The following LRP6 variants were observed in gnomAD, a reference collection of about 807,000 sequenced individuals.
LRP6 encodes low-density lipoprotein receptor-related protein 6.
In LRP6, 43 loss-of-function variants were observed where a neutral mutation model predicts 184.1. That is an observed-to-expected ratio of 0.23 (90% CI 0.18 to 0.30). The LOEUF is 0.30. Among genes scored for constraint, LRP6 ranks in the 10% least tolerant of loss-of-function variants. The pLI is 1.00. For missense variants in LRP6, 1,571 were observed against 2,005.3 expected (o/e 0.78, Z 4.14); for synonymous variants, 719 against 684.9 (o/e 1.05, Z -0.78).
Position 12,125,297 on chromosome 12 carries a change from G to A in LRP6, c.4448C>T (p.Ala1483Val). ...SSSTKGTYFP[A>V]ILNPPPSPAT... ...TTCAAAGGAAAACAGACTACTTACT[G>A]CAGGGAAGTAAGTGCCTTTGGTGCT... The change falls in exon 21 of 23, where the codon GCA (alanine) becomes GTA (valine). Residue 1483 changes from alanine to valine, a missense_variant and splice_region_variant. Physicochemically the swap from Ala to Val is moderately conservative, Grantham distance 64. Coordinates refer to ENST00000261349, the MANE Select transcript of LRP6 (RefSeq NM_002336.3). 6.2e-7 allele frequency: 1 copy of A among 1,613,982 alleles called. No homozygotes were observed. The highest frequency in any genetic ancestry group is 8.5e-7 in the Non-Finnish European group (1 of 1,179,912).
At chr12:12,253,189 A>G (rs1865367396) in intron 1 of LRP6, among the ~76,000 whole-genome samples, 1 of 152,204 alleles carries the variant, frequency 6.6e-6, no homozygotes, top group East Asian at 1.9e-4. Context: ...ACTGGAACCC[A>G]GAAGGCAGAG....
intron 2 of LRP6, among the ~76,000 whole-genome samples, chr12:12,238,499 A>G (rs1053957902): frequency 2.6e-5 from 4 of 152,146 alleles, no homozygotes; most frequent in Admixed American, 2.0e-4. Context: ...AAGCTGCAAA[A>G]TACCAAAAAT....
At position 12,121,408 on chromosome 12, in the gene LRP6, A is replaced by G; in HGVS notation, c.4560T>C (p.Tyr1520=). 1 of 1,614,094 alleles carries G rather than the reference A, an allele frequency of 6.2e-7. No individual in the cohort carries two copies. The highest frequency in any genetic ancestry group is 8.5e-7 in the Non-Finnish European group (1 of 1,179,986). ...STHRSYSYRP[Y]SYRHFAPPTT... ...TGGGGGGTGCAAAGTGCCGGTAGCT[A>G]TATGGCCTGTAGCTGGTATAGGGAG... Residue 1520 remains tyrosine (Y), a synonymous_variant, in exon 23 of 23, where the codon TAT becomes TAC. Transcript: ENST00000261349.
chr12:12,155,835 T>C (rs2136930450), intron 12 of LRP6: 2 of 671,334 alleles, frequency 3.0e-6, no homozygotes, highest in Non-Finnish European at 5.3e-6. Flanking sequence ...TAAATAATTT[T>C]CCCAAGGTCA....
rs762255297 is a variant in LRP6 at position 12,181,266 on chromosome 12, T to C, written c.1150A>G (p.Ile384Val). ...GATCCATCTATAAATGAACGGCGTATGGCCCTCACTTCATCATCAGTCCAG... is the reference window on the plus strand; with the variant it reads ...GATCCATCTATAAATGAACGGCGTACGGCCCTCACTTCATCATCAGTCCAG... ...IYWTDDEVRA[I>V]RRSFIDGSGS... The change falls in exon 6 of 23, where the codon ATA (isoleucine) becomes GTA (valine). Residue 384 changes from isoleucine to valine, a missense_variant. Transcript: ENST00000261349. 1 of 1,614,058 alleles carries C rather than the reference T, an allele frequency of 6.2e-7. No individual in the cohort carries two copies. The highest frequency in any genetic ancestry group is 2.2e-5 in the East Asian group (1 of 44,900).
At chr12:12,177,395 T>C (rs1210193405) in intron 7 of LRP6, among the ~76,000 whole-genome samples, 1 of 152,122 alleles carries the variant, frequency 6.6e-6, no homozygotes, top group East Asian at 1.9e-4. Flanking sequence ...ATTTTTAAAA[T>C]TATACATCTT....
chr12:12,149,660 C>T (rs2136916383), intron 13 of LRP6, among the ~76,000 whole-genome samples: 1 of 152,262 alleles, frequency 6.6e-6, no homozygotes, highest in South Asian at 2.1e-4. Context: ...CCGAGCAGCC[C>T]CCCACAACAA....
chr12:12,201,657 C>T (rs1863916925), intron 3 of LRP6, among the ~76,000 whole-genome samples: 1 of 152,048 alleles, frequency 6.6e-6, no homozygotes, highest in African/African-American at 2.4e-5. Context: ...TTTGGATTTG[C>T]TATCTAGTTT....
At chr12:12,235,372 T>C (rs151097204) in intron 2 of LRP6, among the ~76,000 whole-genome samples, 2 of 152,268 alleles carry the variant, frequency 1.3e-5, no homozygotes, top group Non-Finnish European at 2.9e-5. Flanking sequence ...TAGGGGTATG[T>C]GTGTCTACAT....
At chr12:12,154,237 A>G (rs1221505945) in intron 12 of LRP6, among the ~76,000 whole-genome samples, 3 of 132,346 alleles carry the variant, frequency 2.3e-5, no homozygotes, top group African/African-American at 8.8e-5. Context: ...TGCATTTACT[A>G]TCCCCTTTTG....
intron 2 of LRP6, among the ~76,000 whole-genome samples, chr12:12,242,695 C>A (rs1414529673): frequency 6.6e-6 from 1 of 152,218 alleles, no homozygotes. Flanking sequence ...CGATCAGAGC[C>A]ACTACAATAT....
chr12:12,228,274 T>C (rs559931004), intron 2 of LRP6, among the ~76,000 whole-genome samples: 1 of 152,004 alleles, frequency 6.6e-6, no homozygotes, highest in Admixed American at 6.6e-5. Flanking sequence ...GGAGGCATGA[T>C]AATCGCTTGA....
rs201733643 is a variant in LRP6 at position 12,131,096 on chromosome 12, CA to C, written c.3971-204del. ...AAAAATCCAGCAGGAAATTTCCTAA[CA>C]TTTTTTTTTTTTTTTTTTTTTTTTT... On this transcript the variant is annotated intron_variant, in intron 18 of 22. Transcript: ENST00000261349. Among the ~76,000 whole-genome samples, 944 of 105,332 alleles carry C rather than the reference CA, an allele frequency of 9.0e-3. 33 individuals carry two copies. The highest frequency in any genetic ancestry group is 0.026 in the African/African-American group (767 of 29,352). 69.1% of individuals were successfully genotyped at this position (105,332 alleles called of 152,430 possible).
At chr12:12,266,610 C>T in intron 1 of LRP6, 71 bp downstream of exon 1, 1 of 1,283,036 alleles carries the variant, frequency 7.8e-7, no homozygotes, top group Non-Finnish European at 1.1e-6. Context: ...CCTCCCCTCC[C>T]CCTAGACACA....
chr12:12,229,621 T>G (rs1864729276), intron 2 of LRP6, among the ~76,000 whole-genome samples: 1 of 152,208 alleles, frequency 6.6e-6, no homozygotes, highest in Non-Finnish European at 1.5e-5. Context: ...TAAAAGCACT[T>G]AACAATGAAG....
At chr12:12,191,054 T>A (rs1423063058) in intron 3 of LRP6, among the ~76,000 whole-genome samples, 1 of 152,170 alleles carries the variant, frequency 6.6e-6, no homozygotes, top group African/African-American at 2.4e-5. Flanking sequence ...CAATAGGACA[T>A]CTGGCAGGAC....
At chr12:12,214,360 CA>C (rs1864286310) in intron 2 of LRP6, among the ~76,000 whole-genome samples, 1 of 152,138 alleles carries the variant, frequency 6.6e-6, no homozygotes, top group African/African-American at 2.4e-5. Context: ...ACCCCCTTAC[CA>C]GTAAAGATAA....
rs1256502309 is a variant in LRP6 at position 12,116,986 on chromosome 12, T to C, written c.*4140A>G. 1 of 152,120 alleles carries C rather than the reference T, an allele frequency of 6.6e-6. No homozygotes were observed. The allele number at this position is 152,120 out of a possible 1,614,324, so 9.4% of individuals were successfully genotyped here. ...TTTTAAAAAAATTATAAACGTATAATTTTATACTTGAGGTCCAAAGTCTTC... is the reference window on the plus strand; with the variant it reads ...TTTTAAAAAAATTATAAACGTATAACTTTATACTTGAGGTCCAAAGTCTTC... On this transcript the variant is annotated 3_prime_UTR_variant, in exon 23 of 23. Transcript: ENST00000261349.
At chr12:12,176,529 T>C (rs547491474) in intron 7 of LRP6, among the ~76,000 whole-genome samples, 50 of 152,350 alleles carry the variant, frequency 3.3e-4, no homozygotes, top group African/African-American at 1.1e-3. Flanking sequence ...CTATTCATTC[T>C]TTCTACAACT....
Sources: allele counts gnomAD v4.1 joint callset (sites outside exome capture counted in the v4.1 genomes callset), GRCh38; gene constraint gnomAD v4.1.1; transcripts MANE v1.5; gene names NCBI Gene and HGNC (gene_info 2026-07-23, HGNC 2026-07-21).